The following CSMD3 variants were observed in gnomAD, a reference collection of about 807,000 sequenced individuals.
CSMD3 encodes CUB and Sushi multiple domains 3, also known as CUB and sushi domain-containing protein 3.
Under a neutral mutation model 435.2 loss-of-function variants are expected in CSMD3, and 177 were observed. The observed-to-expected ratio is 0.41, with a 90% CI of 0.36 to 0.46. The LOEUF (loss-of-function observed/expected upper bound fraction) is 0.46. CSMD3 is among the 20% of genes least tolerant of loss of function. CSMD3 has a pLI of 0.34. For synonymous variants in CSMD3, 1,656 were observed against 1,520.5 expected, an observed-to-expected ratio of 1.09 and a Z score of -2.07; for missense variants, 4,265 against 4,504.6, an observed-to-expected ratio of 0.95 and a Z score of 1.52.
chr8:112,925,947 T>C (rs913239426), intron 9 of CSMD3, among the ~76,000 whole-genome samples: 1 of 152,234 alleles, frequency 6.6e-6, no homozygotes, highest in Non-Finnish European at 1.5e-5. Flanking sequence ...TACTCATTTG[T>C]ATTGTATAAG....
At chr8:112,828,202 A>G (rs1049085063) in intron 12 of CSMD3, among the ~76,000 whole-genome samples, 4 of 152,222 alleles carry the variant, frequency 2.6e-5, no homozygotes, top group Admixed American at 1.3e-4. Context: ...TAACAGGCTC[A>G]AATTGTTGCT....
At chr8:113,083,251 T>C (rs540731695) in intron 5 of CSMD3, among the ~76,000 whole-genome samples, 10 of 151,930 alleles carry the variant, frequency 6.6e-5, no homozygotes, top group East Asian at 3.9e-4. Context: ...AAGAGAAAAA[T>C]GTCAAGTCAC....
chr8:113,295,063 C>T (rs1384689152), intron 2 of CSMD3, among the ~76,000 whole-genome samples: 1 of 151,924 alleles, frequency 6.6e-6, no homozygotes. Flanking sequence ...ATAGCAGGTG[C>T]ATATATTTAT....
chr8:112,775,774 CA>C lies in CSMD3; in HGVS notation c.1972+24387del, dbSNP rs1587256946. 2.0e-5 allele frequency among the ~76,000 whole-genome samples: 3 copies of C among 151,930 alleles called. No individual in the cohort carries two copies. The East Asian group carries it at 5.8e-4, about 29-fold the overall frequency. On this transcript the variant is annotated intron_variant, in intron 13 of 70. Transcript: ENST00000297405. ...AAGCAATATATTTGTATTTCCTAAG[CA>C]CCCATTGTGTGTTTTAACTATCTTC...
intron 1 of CSMD3, among the ~76,000 whole-genome samples, chr8:113,330,838 T>A (rs2094022185): frequency 6.6e-6 from 1 of 151,912 alleles, no homozygotes; most frequent in Admixed American, 6.6e-5. Flanking sequence ...AGTTGGAGTC[T>A]TTAATTCTCT....
chr8:113,325,848 A>G (rs1272840743), intron 1 of CSMD3, among the ~76,000 whole-genome samples: 5 of 152,164 alleles, frequency 3.3e-5, no homozygotes, highest in Admixed American at 2.6e-4. Flanking sequence ...AGAAAATGGA[A>G]TAAGTGACAG....
intron 1 of CSMD3, among the ~76,000 whole-genome samples, chr8:113,368,232 T>G (rs1470799125): frequency 6.6e-6 from 1 of 152,150 alleles, no homozygotes; most frequent in African/African-American, 2.4e-5. Flanking sequence ...CCCAGCTGTG[T>G]TACCAAAGAA....
chr8:113,183,131 G>A (rs780420889), intron 3 of CSMD3, among the ~76,000 whole-genome samples: 5 of 152,004 alleles, frequency 3.3e-5, no homozygotes, highest in African/African-American at 7.2e-5. Flanking sequence ...CCTGCATCCT[G>A]TAGTCCCCTG....
Position 112,637,128 on chromosome 8 carries a change from T to A in CSMD3, c.3527-123A>T, listed in dbSNP as rs552647285. On this transcript the variant is annotated intron_variant, in intron 21 of 70. Coordinates refer to ENST00000297405, the MANE Select transcript of CSMD3 (RefSeq NM_198123.2). ...CTAGTCATATATTTAGAAGGGACTA[T>A]ATGAATAGCTATCAGAACGTACAAA... The A allele has an allele frequency of 4.0e-6, 3 of 745,568 alleles. No individual in the cohort carries two copies. In the Admixed American group the frequency reaches 6.1e-5, roughly 15 times the overall value. The allele number at this position is 745,568 out of a possible 1,614,324, so 46.2% of individuals were successfully genotyped here.
chr8:112,240,577 G>A (rs1427142540), intron 66 of CSMD3, among the ~76,000 whole-genome samples: 1 of 152,098 alleles, frequency 6.6e-6, no homozygotes, highest in East Asian at 1.9e-4. Flanking sequence ...TCCTAATGTA[G>A]TTCTTGGCCC....
chr8:112,892,416 G>C (rs1291099016), intron 10 of CSMD3, among the ~76,000 whole-genome samples: 2 of 151,256 alleles, frequency 1.3e-5, no homozygotes, highest in Non-Finnish European at 3.0e-5. Context: ...TGCCATTTTT[G>C]GAAAATAGGG....
rs553410312 is a variant in CSMD3 at position 113,025,433 on chromosome 8, A to C, written c.918-6254T>G. On this transcript the variant is annotated intron_variant, in intron 5 of 70. Transcript: ENST00000297405. ...CTGGACTGCAAAAACTTACGGTAATAATGGCCACCATGATAGTTTCAGACT... is the reference window on the plus strand; with the variant it reads ...CTGGACTGCAAAAACTTACGGTAATCATGGCCACCATGATAGTTTCAGACT... 2.0e-5 allele frequency among the ~76,000 whole-genome samples: 3 copies of C among 152,212 alleles called. No homozygotes were observed. In the South Asian group the frequency reaches 6.2e-4, roughly 32 times the overall value.
intron 69 of CSMD3, among the ~76,000 whole-genome samples, chr8:112,229,604 T>C (rs920555109): frequency 6.6e-6 from 1 of 151,962 alleles, no homozygotes; most frequent in African/African-American, 2.4e-5. Context: ...AACTTTTGTA[T>C]TTTTTGTGGA....
intron 32 of CSMD3, among the ~76,000 whole-genome samples, chr8:112,421,719 C>T (rs1812531883): frequency 6.8e-6 from 1 of 147,968 alleles, no homozygotes; most frequent in South Asian, 2.1e-4. Flanking sequence ...AGACCAAAGT[C>T]TATTAAAAAT....
chr8:113,116,813 A>G (rs1004903619), intron 4 of CSMD3, among the ~76,000 whole-genome samples: 1 of 152,200 alleles, frequency 6.6e-6, no homozygotes, highest in African/African-American at 2.4e-5. Context: ...GGTCTCAGAT[A>G]GAGATGGGGA....
At chr8:112,392,618 G>A (rs942808147) in intron 35 of CSMD3, among the ~76,000 whole-genome samples, 3 of 149,718 alleles carry the variant, frequency 2.0e-5, no homozygotes, top group Non-Finnish European at 3.0e-5. Flanking sequence ...CTTTATAGAT[G>A]CTCTTCCTCT....
At chr8:113,433,776 C>T (rs1415369384) in intron 1 of CSMD3, among the ~76,000 whole-genome samples, 1 of 152,158 alleles carries the variant, frequency 6.6e-6, no homozygotes, top group African/African-American at 2.4e-5. Context: ...GACGCTTAAG[C>T]ACGACTTGGA....
chr8:113,417,389 G>C (rs1439798389), intron 1 of CSMD3, among the ~76,000 whole-genome samples: 1 of 151,540 alleles, frequency 6.6e-6, no homozygotes, highest in Non-Finnish European at 1.5e-5. Flanking sequence ...TAGAGACAAA[G>C]GAGAAAATAA....
At chr8:112,560,713 A>T (rs754828627) in intron 24 of CSMD3, among the ~76,000 whole-genome samples, 11 of 151,792 alleles carry the variant, frequency 7.2e-5, no homozygotes, top group African/African-American at 9.6e-5. Flanking sequence ...TCTCTCAAAC[A>T]CAGAAGAAAC....
Sources: gnomAD v4.1 joint callset for allele counts (sites outside exome capture counted in the v4.1 genomes callset) on GRCh38, gnomAD v4.1.1 for gene constraint, MANE v1.5 for transcripts, NCBI Gene and HGNC (gene_info 2026-07-23, HGNC 2026-07-21) for gene names.